The following RETREG2 variants were observed in gnomAD, a reference collection of about 807,000 sequenced individuals.
RETREG2 encodes the protein reticulophagy regulator 2.
In RETREG2, 21 loss-of-function variants were observed where a neutral mutation model predicts 51.6. That is an observed-to-expected ratio of 0.41 (90% CI 0.29 to 0.59). The LOEUF (loss-of-function observed/expected upper bound fraction) is 0.59, where lower values mean the gene tolerates loss of function less well. RETREG2 is among the 20% of genes least tolerant of loss of function. The pLI is 0.34. For synonymous variants in RETREG2, 339 were observed against 288.6 expected (o/e 1.17, Z -1.77); for missense variants, 674 against 646.0 (o/e 1.04, Z -0.47).
In RETREG2 at chr2:219,180,171, C is replaced by G. The variant is rs1323632046; in HGVS notation, c.481C>G (p.Leu161Val). 1.2e-6 allele frequency: 2 copies of G among 1,614,076 alleles called. No individual in the cohort carries two copies. Among genetic ancestry groups the G allele is most frequent in the Non-Finnish European group, 1.7e-6 (2 of 1,180,032 alleles). Reference protein sequence around the residue: ...LLSVPELCRYLAESWLTFQIH... With the variant: ...LLSVPELCRYVAESWLTFQIH... Reference sequence around the variant, plus strand: ...GAGTGTGCCCGAGTTGTGCAGATACCTGGCTGAGAGCTGGCTCACCTTCCA... The same window carrying G: ...GAGTGTGCCCGAGTTGTGCAGATACGTGGCTGAGAGCTGGCTCACCTTCCA... Residue 161 changes from leucine to valine, a missense_variant, in exon 4 of 9, where the codon CTG becomes GTG. Coordinates refer to ENST00000430297, the MANE Select transcript of RETREG2 (RefSeq NM_024293.6).
Position 219,181,956 on chromosome 2 carries a change from G to C in RETREG2, c.1016-57G>C. On this transcript the variant is annotated intron_variant, in intron 8 of 8. Coordinates refer to ENST00000430297, the MANE Select transcript of RETREG2 (RefSeq NM_024293.6). ...GTTCTCATCCTTGAACTCATTGTCT[G>C]TTGTGGCTAATCAGACCAGCAGCAG... 5 of 1,591,886 alleles carry C rather than the reference G, an allele frequency of 3.1e-6. No homozygotes were observed. The Middle Eastern group carries it at 5.1e-4, about 161-fold the overall frequency.
At chr2:219,180,887 A>G in intron 5 of RETREG2, 133 bp downstream of exon 5, 1 of 1,342,336 alleles carries the variant, frequency 7.4e-7, no homozygotes, top group Non-Finnish European at 1.0e-6. Context: ...CTTTAGTATT[A>G]GTAACTGTGG....
chr2:219,178,519 T>G lies in RETREG2; in HGVS notation c.167T>G (p.Leu56Arg). 7.1e-7 allele frequency: 1 copy of G among 1,412,758 alleles called. No homozygotes were observed. The highest frequency in any genetic ancestry group is 9.2e-7 in the Non-Finnish European group (1 of 1,085,788). The allele number at this position is 1,412,758 out of a possible 1,614,324, so 87.5% of individuals were successfully genotyped here. A position where few individuals can be genotyped will look rare whatever the true frequency, so the allele number is the denominator to read the frequency against. The part of the protein sequence containing the change: ...AEAVGRLATT[L>R]WLRLRGWEAV... ...GCGGTGGGACGCCTGGCCACGACGC[T>G]GTGGCTGCGGCTCCGCGGCTGGGAG... is the stretch of plus-strand genomic sequence containing the variant. The change falls in exon 1 of 9, where the codon CTG becomes CGG. Residue 56 changes from leucine to arginine, a missense_variant. Coordinates refer to ENST00000430297, the MANE Select transcript of RETREG2 (RefSeq NM_024293.6).
chr2:219,180,939 A>G (rs1254189793), intron 5 of RETREG2, 123 bp from the exon 6 acceptor site: 28 of 1,420,590 alleles, frequency 2.0e-5, no homozygotes, highest in Middle Eastern at 3.8e-4. Flanking sequence ...TGGCAAGAAG[A>G]GGTTGGCACA....
In RETREG2 at chr2:219,182,623, G is replaced by A. The variant is rs765282297; in HGVS notation, c.1626G>A (p.Glu542=). The A allele has an allele frequency of 2.5e-6, 4 of 1,613,076 alleles. No individual in the cohort carries two copies. The highest frequency in any genetic ancestry group is 2.2e-5 in the South Asian group (2 of 91,072). ...ACCAAGAAGCTCAGGCCGTGGCAGA[G>A]CCATGAGCCAGCCGTTGAGGAAGGA... ...QSDQEAQAVA[E]P is the part of the protein sequence containing the mutation. The change falls in exon 9 of 9, where the codon GAG becomes GAA. Residue 542 remains glutamate, a synonymous_variant. Transcript: ENST00000430297.
chr2:219,182,303 G>C lies in RETREG2; in HGVS notation c.1306G>C (p.Glu436Gln). 1 of 1,614,072 alleles carries C rather than the reference G, an allele frequency of 6.2e-7. No individual in the cohort carries two copies. Among genetic ancestry groups the C allele is most frequent in the Non-Finnish European group, 8.5e-7 (1 of 1,180,016 alleles). Residue 436 changes from glutamate (E) to glutamine (Q), a missense_variant, in exon 9 of 9, where the codon GAG becomes CAG. Glu to Gln is a conservative substitution (Grantham distance 29, BLOSUM62 2). Coordinates refer to ENST00000430297, the MANE Select transcript of RETREG2 (RefSeq NM_024293.6). ...PGGPVETLSP[E>Q]TVSGGLTALP... is the part of the protein sequence containing the mutation. The stretch of plus-strand genomic sequence containing the variant: ...AGGACCAGTGGAGACACTGAGCCCC[G>C]AGACAGTGAGTGGTGGCCTCACTGC...
Position 219,178,666 on chromosome 2 carries a change from A to T in RETREG2, c.281+33A>T, listed in dbSNP as rs915147035. ...CCGCGGAGGAGGGGGCGGGGCCGGG[A>T]TGAGCGGGGGAGGGAGGGGTCGAGA... On this transcript the variant is annotated intron_variant, in intron 1 of 8. Coordinates refer to ENST00000430297, the MANE Select transcript of RETREG2 (RefSeq NM_024293.6). 1.5e-5 allele frequency: 20 copies of T among 1,365,176 alleles called. No homozygotes were observed. In the African/African-American group the frequency reaches 2.9e-4, roughly 20 times the overall value. The allele number at this position is 1,365,176 out of a possible 1,614,324, so 84.6% of individuals were successfully genotyped here. A position where few individuals can be genotyped will look rare whatever the true frequency, so the allele number is the denominator to read the frequency against.
In RETREG2 at chr2:219,182,086, A is replaced by G. The variant is rs74336479; in HGVS notation, c.1089A>G (p.Gly363=). The G allele has an allele frequency of 2.2e-3, 3,540 of 1,614,060 alleles. 76 individuals are homozygous for G. In the African/African-American group the frequency reaches 0.042, roughly 19 times the overall value. Residue 363 remains glycine (G), a synonymous_variant, in exon 9 of 9, where the codon GGA becomes GGG. Coordinates refer to ENST00000430297, the MANE Select transcript of RETREG2 (RefSeq NM_024293.6). ...LSRDLGEGEE[G]ELAPPEDLLG... is the part of the protein sequence containing the mutation. The stretch of plus-strand genomic sequence containing the variant: ...GGGACCTAGGGGAGGGAGAGGAGGG[A>G]GAGCTGGCCCCTCCCGAAGACCTAC...
At position 219,180,213 on chromosome 2, in the gene RETREG2, C is replaced by T. The variant is rs1950258592; in HGVS notation, c.523C>T (p.Leu175=). The T allele has an allele frequency of 1.2e-6, 2 of 1,614,054 alleles. No individual in the cohort carries two copies. Among genetic ancestry groups the T allele is most frequent in the Middle Eastern group, 1.6e-4 (1 of 6,084 alleles). Reference sequence around the variant, plus strand: ...CACCTTCCAGATTCACCTGCAGGAGCTGCTGCAGTACAAGAGGCAGAATCC... The same window carrying T: ...CACCTTCCAGATTCACCTGCAGGAGTTGCTGCAGTACAAGAGGCAGAATCC... ...WLTFQIHLQE[L]LQYKRQNPAQ... is the part of the protein sequence containing the mutation. Residue 175 remains leucine, a synonymous_variant, in exon 4 of 9, where the codon CTG becomes TTG. Transcript: ENST00000430297.
chr2:219,180,068 C>G, intron 3 of RETREG2, 42 bp from the exon 4 acceptor site: 1 of 1,610,168 alleles, frequency 6.2e-7, no homozygotes, highest in Non-Finnish European at 8.5e-7. Flanking sequence ...GTCTAGGAAG[C>G]TGGTATCTGA....
rs981798556 is a variant in RETREG2 at position 219,182,751 on chromosome 2, G to T, written c.*122G>T. 32 of 1,201,814 alleles carry T rather than the reference G, an allele frequency of 2.7e-5. No homozygotes were observed. The African/African-American group carries it at 4.5e-4, about 17-fold the overall frequency. The allele number at this position is 1,201,814 out of a possible 1,614,324, so 74.4% of individuals were successfully genotyped here. ...GTGTGGGGAAGCTGGCTGTCGGATG[G>T]TAGCTATTCCACCCTCTGCCTGCCT... On this transcript the variant is annotated 3_prime_UTR_variant, in exon 9 of 9. Transcript: ENST00000430297.
rs1950318516 is a variant in RETREG2 at position 219,184,077 on chromosome 2, C to T, written c.*1448C>T. 1.3e-5 allele frequency: 2 copies of T among 152,162 alleles called. No homozygotes were observed. The highest frequency in any genetic ancestry group is 1.9e-4 in the East Asian group (1 of 5,200). The allele number at this position is 152,162 out of a possible 1,614,324, so 9.4% of individuals were successfully genotyped here. ...TTCATTTTATAGACAGGTTAAGCTT[C>T]CTGAAGGCCACAGGTCCCAGTAAAT... On this transcript the variant is annotated 3_prime_UTR_variant, in exon 9 of 9. Coordinates refer to ENST00000430297, the MANE Select transcript of RETREG2 (RefSeq NM_024293.6).
rs1203565893 is a variant in RETREG2 at position 219,181,428 on chromosome 2, G to A, written c.844G>A (p.Glu282Lys). The A allele has an allele frequency of 6.2e-7, 1 of 1,614,024 alleles. No homozygotes were observed. Among genetic ancestry groups the A allele is most frequent in the Non-Finnish European group, 8.5e-7 (1 of 1,180,030 alleles). The change falls in exon 7 of 9, where the codon GAA becomes AAA. Residue 282 changes from glutamate (E) to lysine (K), a missense_variant. Physicochemically the swap from Glu to Lys is moderately conservative, Grantham distance 56. Coordinates refer to ENST00000430297, the MANE Select transcript of RETREG2 (RefSeq NM_024293.6). ...TGAGCCACTGGCAGAGACAGAGAGT[G>A]AAAGCGAGGCAGAGCTGGCTGGCTT... ...GDEPLAETES[E>K]SEAELAGFSP...
In RETREG2 at chr2:219,180,766, C is replaced by T. The variant is rs368256524; in HGVS notation, c.640+12C>T. 50 of 1,613,572 alleles carry T rather than the reference C, an allele frequency of 3.1e-5. No individual in the cohort carries two copies. The highest frequency in any genetic ancestry group is 4.1e-5 in the Non-Finnish European group (48 of 1,179,602). Reference sequence around the variant, plus strand: ...TTCCTACATTGTCTGTGAGTAGGGTCTGTCCCTGCCCTATTTAAAGCCCTC... The same window carrying T: ...TTCCTACATTGTCTGTGAGTAGGGTTTGTCCCTGCCCTATTTAAAGCCCTC... On this transcript the variant is annotated intron_variant, in intron 5 of 8. Coordinates refer to ENST00000430297, the MANE Select transcript of RETREG2 (RefSeq NM_024293.6).
Position 219,182,143 on chromosome 2 carries a change from C to T in RETREG2, c.1146C>T (p.Ala382=), listed in dbSNP as rs768673060. The change falls in exon 9 of 9, where the codon GCC becomes GCT. Residue 382 remains alanine, a synonymous_variant. Transcript: ENST00000430297. ...LGRPQALSRQ[A]LDSEEEEEDV... ...GTCCTCAAGCTCTGTCAAGGCAAGC[C>T]CTGGACTCGGAGGAAGAGGAAGAGG... 1.9e-6 allele frequency: 3 copies of T among 1,614,082 alleles called. No individual in the cohort carries two copies. The highest frequency in any genetic ancestry group is 1.7e-5 in the Admixed American group (1 of 60,024).
chr2:219,179,204 T>G (rs1950238961), intron 2 of RETREG2, among the ~76,000 whole-genome samples, 176 bp downstream of exon 2: 1 of 152,238 alleles, frequency 6.6e-6, no homozygotes, highest in African/African-American at 2.4e-5. Context: ...CCCAAACTAA[T>G]ACTACTGTAG....
chr2:219,181,489 T>G (rs1321127430), intron 7 of RETREG2, 26 bp downstream of exon 7: 2 of 1,611,888 alleles, frequency 1.2e-6, no homozygotes, highest in Non-Finnish European at 1.7e-6. Context: ...AGCGGGGGTG[T>G]CAAATAGAAA....
Position 219,179,754 on chromosome 2 carries a change from A to T in RETREG2, c.410A>T (p.His137Leu). The T allele has an allele frequency of 6.2e-7, 1 of 1,613,986 alleles. No homozygotes were observed. Among genetic ancestry groups the T allele is most frequent in the Non-Finnish European group, 8.5e-7 (1 of 1,179,958 alleles). Residue 137 changes from histidine to leucine, a missense_variant, in exon 3 of 9, where the codon CAC (histidine) becomes CTC (leucine). His to Leu is a moderately conservative substitution (Grantham distance 99, BLOSUM62 -3). Coordinates refer to ENST00000430297, the MANE Select transcript of RETREG2 (RefSeq NM_024293.6). ...DVSASSPEEP[H>L]SDSEGAGSGA... ...CTAGCATCATCCCCAGAGGAGCCAC[A>T]CTCTGACAGGTGAGTACAGGCCACC... is the stretch of plus-strand genomic sequence containing the variant.
At position 219,182,438 on chromosome 2, in the gene RETREG2, C is replaced by T; in HGVS notation, c.1441C>T (p.Pro481Ser). ...PQDSPQPLPAPEEEEALTTED... is the reference protein window; with the variant it reads ...PQDSPQPLPASEEEEALTTED... ...GGACTCACCCCAGCCCCTGCCTGCC[C>T]CTGAGGAAGAAGAGGCACTCACCAC... Residue 481 changes from proline to serine, a missense_variant, in exon 9 of 9, where the codon CCT becomes TCT. Transcript: ENST00000430297. 6.2e-7 allele frequency: 1 copy of T among 1,613,570 alleles called. No individual in the cohort carries two copies. The highest frequency in any genetic ancestry group is 1.7e-4 in the Middle Eastern group (1 of 6,060).
Sources: gnomAD v4.1 joint callset for allele counts (sites outside exome capture counted in the v4.1 genomes callset) on GRCh38, gnomAD v4.1.1 for gene constraint, MANE v1.5 for transcripts, NCBI Gene and HGNC (gene_info 2026-07-23, HGNC 2026-07-21) for gene names.